Variants in RAB22A observed in about 807,000 individuals in gnomAD.
RAB22A encodes the protein RAB22A, member RAS oncogene family.
Under a neutral mutation model 30.2 loss-of-function variants are expected in RAB22A, and 13 were observed. The observed-to-expected ratio is 0.43, with a 90% CI of 0.28 to 0.68. RAB22A has a LOEUF of 0.68. Ranked by LOEUF, RAB22A falls within the 30% of genes least tolerant of loss-of-function variation. RAB22A has a pLI of 0.18. For synonymous variants in RAB22A, 89 were observed against 87.2 expected (o/e 1.02, Z -0.11); for missense variants, 177 against 246.8 (o/e 0.72, Z 1.89).
Position 58,340,157 on chromosome 20 carries a change from C to T in RAB22A, c.117-3561C>T, listed in dbSNP as rs3787150. On this transcript the variant is annotated intron_variant, in intron 2 of 6. Coordinates refer to ENST00000244040, the MANE Select transcript of RAB22A (RefSeq NM_020673.3). ...GTTGGGAAAAAACTCCTGATTCAAA[C>T]GTGAATGAGCAGGAAAGAGACACCC... Among the ~76,000 whole-genome samples the T allele has an allele frequency of 4.3e-4, 66 of 152,266 alleles. No homozygotes were observed. The East Asian group carries it at 8.3e-3, about 19-fold the overall frequency.
At chr20:58,333,913 C>T (rs534274468) in intron 2 of RAB22A, among the ~76,000 whole-genome samples, 1 of 152,232 alleles carries the variant, frequency 6.6e-6, no homozygotes, top group South Asian at 2.1e-4. Flanking sequence ...AAAAAATTAG[C>T]TGGATTTTAT....
chr20:58,331,844 C>T (rs933041512), intron 2 of RAB22A, among the ~76,000 whole-genome samples: 3 of 152,128 alleles, frequency 2.0e-5, no homozygotes, highest in African/African-American at 7.2e-5. Flanking sequence ...TGATGGCCAC[C>T]TTTCTCTAGT....
At chr20:58,339,157 T>G in intron 2 of RAB22A, among the ~76,000 whole-genome samples, 1 of 152,212 alleles carries the variant, frequency 6.6e-6, no homozygotes, top group East Asian at 1.9e-4. Context: ...CATGACTACT[T>G]GGTGTGCATG....
At chr20:58,350,957 A>C (rs928552352) in intron 3 of RAB22A, among the ~76,000 whole-genome samples, 2 of 152,260 alleles carry the variant, frequency 1.3e-5, no homozygotes, top group Non-Finnish European at 2.9e-5. Context: ...GGTAGTACAA[A>C]GAATGGTAGG....
Position 58,366,280 on chromosome 20 carries a change from C to A in RAB22A, c.*6577C>A, listed in dbSNP as rs1013838386. ...GTCACAGCAACAGGGACTGCTCACC[C>A]CCTCCAGCTGGGGCTTTTCTAACAA... On this transcript the variant is annotated 3_prime_UTR_variant, in exon 7 of 7. Coordinates refer to ENST00000244040, the MANE Select transcript of RAB22A (RefSeq NM_020673.3). 1 of 152,164 alleles carries A rather than the reference C, an allele frequency of 6.6e-6. No homozygotes were observed. Among genetic ancestry groups the A allele is most frequent in the Non-Finnish European group, 1.5e-5 (1 of 68,042 alleles). 9.4% of individuals were successfully genotyped at this position (152,164 alleles called of 1,614,324 possible). A position where few individuals can be genotyped will look rare whatever the true frequency, so the allele number is the denominator to read the frequency against.
In RAB22A at chr20:58,365,537, A is replaced by G. The variant is rs531975716; in HGVS notation, c.*5834A>G. On this transcript the variant is annotated 3_prime_UTR_variant, in exon 7 of 7. Coordinates refer to ENST00000244040, the MANE Select transcript of RAB22A (RefSeq NM_020673.3). ...ATTCACTTACCTTGTATATGAACTT[A>G]TGACATTAGAGTTTGTGAAACTGTC... 1 of 152,400 alleles carries G rather than the reference A, an allele frequency of 6.6e-6. No individual in the cohort carries two copies. The highest frequency in any genetic ancestry group is 2.4e-5 in the African/African-American group (1 of 41,596). The allele number at this position is 152,400 out of a possible 1,614,324, so 9.4% of individuals were successfully genotyped here. A position where few individuals can be genotyped will look rare whatever the true frequency, so the allele number is the denominator to read the frequency against.
intron 3 of RAB22A, among the ~76,000 whole-genome samples, chr20:58,348,992 A>T (rs1218786941): frequency 6.6e-6 from 1 of 152,140 alleles, no homozygotes; most frequent in Non-Finnish European, 1.5e-5. Context: ...AATATTCACT[A>T]CCTGGTCTTT....
At chr20:58,341,337 C>T (rs1600735292) in intron 2 of RAB22A, among the ~76,000 whole-genome samples, 1 of 152,080 alleles carries the variant, frequency 6.6e-6, no homozygotes, top group African/African-American at 2.4e-5. Context: ...TCTTCATGGC[C>T]GTCCACATAG....
chr20:58,356,711 C>T (rs1397168649), intron 6 of RAB22A, among the ~76,000 whole-genome samples: 2 of 152,114 alleles, frequency 1.3e-5, no homozygotes, highest in Non-Finnish European at 2.9e-5. Context: ...ATATTTTGTA[C>T]TTTATATTTT....
At position 58,362,421 on chromosome 20, in the gene RAB22A, A is replaced by G. The variant is rs1024488819; in HGVS notation, c.*2718A>G. On this transcript the variant is annotated 3_prime_UTR_variant, in exon 7 of 7. Coordinates refer to ENST00000244040, the MANE Select transcript of RAB22A (RefSeq NM_020673.3). ...GGCTATATTTCAAAGGAATTGAGAC[A>G]TACTCCCATCTATAAACATGTTTGG... 6.6e-6 allele frequency: 1 copy of G among 152,250 alleles called. No individual in the cohort carries two copies. Among genetic ancestry groups the G allele is most frequent in the African/African-American group, 2.4e-5 (1 of 41,468 alleles). 9.4% of individuals were successfully genotyped at this position (152,250 alleles called of 1,614,324 possible).
intron 6 of RAB22A, among the ~76,000 whole-genome samples, chr20:58,357,164 T>G (rs1255467081): frequency 6.6e-6 from 1 of 152,228 alleles, no homozygotes; most frequent in Non-Finnish European, 1.5e-5. Context: ...CCGATCACCT[T>G]CTGTCTCTGG....
At chr20:58,359,162 A>C (rs974860980) in intron 6 of RAB22A, among the ~76,000 whole-genome samples, 1 of 152,210 alleles carries the variant, frequency 6.6e-6, no homozygotes, top group African/African-American at 2.4e-5. Context: ...GTTCTGACTG[A>C]ACTTTTTAAA....
At chr20:58,326,787 C>T (rs1250860405) in intron 2 of RAB22A, among the ~76,000 whole-genome samples, 1 of 152,192 alleles carries the variant, frequency 6.6e-6, no homozygotes, top group Non-Finnish European at 1.5e-5. Flanking sequence ...AAAATAAAGG[C>T]TGACTTCTTC....
In RAB22A at chr20:58,350,027, C is replaced by T. The variant is rs531633245; in HGVS notation, c.199-3246C>T. ...CTTTAATCCCAGCACTTTGGAAGGC[C>T]GAGACAGGCATATTGCTTGAGTCGA... is the stretch of plus-strand genomic sequence containing the variant. On this transcript the variant is annotated intron_variant, in intron 3 of 6. Transcript: ENST00000244040. Among the ~76,000 whole-genome samples the T allele has an allele frequency of 5.9e-5, 9 of 151,860 alleles. No homozygotes were observed. The South Asian group carries it at 1.9e-3, about 32-fold the overall frequency.
chr20:58,319,912 G>A (rs879250681), intron 2 of RAB22A, among the ~76,000 whole-genome samples: 8 of 152,108 alleles, frequency 5.3e-5, no homozygotes, highest in Admixed American at 6.5e-5. Flanking sequence ...TTAAAATGGT[G>A]CATTACAACC....
chr20:58,324,010 G>T (rs969968169), intron 2 of RAB22A, among the ~76,000 whole-genome samples: 1 of 152,032 alleles, frequency 6.6e-6, no homozygotes, highest in Non-Finnish European at 1.5e-5. Flanking sequence ...GAATTTTTAT[G>T]TATGTTTATA....
chr20:58,338,720 A>G (rs1986804848), intron 2 of RAB22A, among the ~76,000 whole-genome samples: 1 of 152,218 alleles, frequency 6.6e-6, no homozygotes, highest in African/African-American at 2.4e-5. Flanking sequence ...CACCATTCTA[A>G]CAGAGACAAC....
intron 3 of RAB22A, 142 bp from the exon 4 acceptor site, chr20:58,353,131 C>T: frequency 2.8e-6 from 2 of 722,910 alleles, no homozygotes; most frequent in South Asian, 4.0e-5. Flanking sequence ...ATTACTGGTT[C>T]ATTTGCTTTA....
chr20:58,346,718 T>C (rs765464845), intron 3 of RAB22A, among the ~76,000 whole-genome samples: 1 of 152,246 alleles, frequency 6.6e-6, no homozygotes, highest in South Asian at 2.1e-4. Context: ...GGGACCACAG[T>C]GTCTTGTTCA....
Sources: allele counts gnomAD v4.1 joint callset (sites outside exome capture counted in the v4.1 genomes callset), GRCh38; gene constraint gnomAD v4.1.1; transcripts MANE v1.5; gene names NCBI Gene and HGNC (gene_info 2026-07-23, HGNC 2026-07-21).